Variants in PALD1 observed in about 807,000 individuals in gnomAD.
PALD1 encodes paladin.
PALD1 carries 57 observed loss-of-function variants against 96.0 expected under a neutral mutation model. The ratio of observed to expected loss-of-function variants is 0.59; its 90% confidence interval spans 0.48 to 0.74. The LOEUF is 0.74. Ranked by LOEUF, PALD1 falls within the 30% of genes least tolerant of loss-of-function variation. The pLI is 0.00. For missense variants in PALD1, 1,063 were observed against 1,143.7 expected (o/e 0.93, Z 1.02); for synonymous variants, 464 against 473.6 (o/e 0.98, Z 0.26).
chr10:70,466,753 G>A, the PALD1 span, among the ~76,000 whole-genome samples: 1 of 152,182 alleles, frequency 6.6e-6, no homozygotes, highest in African/African-American at 2.4e-5. Context: ...GTAAGAGAAC[G>A]TGAGAGAATG....
chr10:70,546,397 A>G (rs1421555858), intron 17 of PALD1, among the ~76,000 whole-genome samples: 1 of 152,188 alleles, frequency 6.6e-6, no homozygotes, highest in Non-Finnish European at 1.5e-5. Context: ...ATCTTAAATG[A>G]CTTATATTCC....
chr10:70,531,511 C>T, intron 5 of PALD1, 57 bp downstream of exon 5: 24 of 1,521,748 alleles, frequency 1.6e-5, no homozygotes, highest in Non-Finnish European at 2.1e-5. Context: ...TTTGCAGATG[C>T]TCTTTTTGGG....
the PALD1 span, among the ~76,000 whole-genome samples, chr10:70,460,162 T>C: frequency 0.45 from 68,320 of 152,110 alleles, 18,634 homozygotes; most frequent in Non-Finnish European, 0.62. Flanking sequence ...CAGTCCTCTT[T>C]GTCTTCTGAG....
intron 18 of PALD1, among the ~76,000 whole-genome samples, chr10:70,548,196 T>C (rs1847406804): frequency 6.6e-6 from 1 of 151,880 alleles, no homozygotes; most frequent in Non-Finnish European, 1.5e-5. Context: ...TCCCAGCTAC[T>C]CGGGAGGCTG....
rs544309805 is a variant in PALD1, at chr10:70,534,062, C to T, written c.1011C>T (p.Thr337=). The T allele has an allele frequency of 3.0e-5, 48 of 1,602,474 alleles. No homozygotes were observed. In the South Asian group the frequency reaches 5.0e-4, roughly 17 times the overall value. ...TLILLHRSGT[T]SQPEAAPTQA... is the part of the protein sequence containing the mutation. ...TCCTGCTTCACCGCAGTGGGACCAC[C>T]TCCCAGCCAGAGTGAGTGGCCCGGG... is the stretch of plus-strand genomic sequence containing the variant. The change falls in exon 8 of 20, where the codon ACC becomes ACT. Residue 337 remains threonine, a synonymous_variant. Transcript: ENST00000263563.
Position 70,537,849 on chromosome 10 carries a change from G to A in PALD1, c.1266G>A (p.Leu422=). The A allele has an allele frequency of 6.2e-7, 1 of 1,613,904 alleles. No homozygotes were observed. Among genetic ancestry groups the A allele is most frequent in the East Asian group, 2.2e-5 (1 of 44,878 alleles). ...GSRHSVWQRA[L]WSLERYFYLI... is the part of the protein sequence containing the mutation. The stretch of plus-strand genomic sequence containing the variant: ...GACACAGCGTCTGGCAGAGGGCGCT[G>A]TGGAGCCTGGAGCGATACTTCTACC... The change falls in exon 11 of 20, where the codon CTG becomes CTA. Residue 422 remains leucine, a synonymous_variant. Coordinates refer to ENST00000263563, the MANE Select transcript of PALD1 (RefSeq NM_014431.3).
chr10:70,500,514 T>G (rs1394895927), intron 1 of PALD1, among the ~76,000 whole-genome samples: 1 of 152,226 alleles, frequency 6.6e-6, no homozygotes, highest in Non-Finnish European at 1.5e-5. Context: ...CTCTCTATGC[T>G]GCTCCCTCTG....
chr10:70,468,812 C>T, the PALD1 span, among the ~76,000 whole-genome samples: 6 of 151,668 alleles, frequency 4.0e-5, no homozygotes, highest in African/African-American at 9.7e-5. Flanking sequence ...TCTTGGCTCA[C>T]GGCAACCTCC....
At chr10:70,494,522 C>T (rs758200637) in intron 1 of PALD1, among the ~76,000 whole-genome samples, 9 of 152,228 alleles carry the variant, frequency 5.9e-5, no homozygotes, top group Non-Finnish European at 1.3e-4. Context: ...CAGTTGCCAC[C>T]TCCTCTTCCC....
intron 18 of PALD1, among the ~76,000 whole-genome samples, chr10:70,557,011 A>G (rs1285484919): frequency 1.3e-5 from 2 of 152,240 alleles, no homozygotes. Context: ...AAATCATTGC[A>G]TAAATAAATA....
intron 1 of PALD1, among the ~76,000 whole-genome samples, chr10:70,521,673 A>G (rs1244826975): frequency 6.9e-6 from 1 of 145,798 alleles, no homozygotes; most frequent in East Asian, 2.1e-4. Context: ...CTGGGATTCC[A>G]GGAGCCCGCC....
intron 4 of PALD1, 40 bp from the exon 5 acceptor site, chr10:70,531,250 A>T (rs748385997): frequency 6.3e-7 from 1 of 1,583,676 alleles, no homozygotes; most frequent in African/African-American, 1.3e-5. Context: ...TCTGTGCGGG[A>T]TCATGATGAT....
chr10:70,542,933 G>T (rs1406689352), intron 17 of PALD1, among the ~76,000 whole-genome samples: 1 of 151,876 alleles, frequency 6.6e-6, no homozygotes, highest in African/African-American at 2.4e-5. Context: ...ACCAACACTT[G>T]ATTTCTTTTT....
At chr10:70,508,001 G>A (rs981629941) in intron 1 of PALD1, among the ~76,000 whole-genome samples, 1 of 152,216 alleles carries the variant, frequency 6.6e-6, no homozygotes, top group Non-Finnish European at 1.5e-5. Flanking sequence ...GCACGGAGGG[G>A]AGGATAAGGA....
Position 70,541,164 on chromosome 10 carries a change from C to T in PALD1, c.1971C>T (p.Phe657=), listed in dbSNP as rs747434561. 5.0e-5 allele frequency: 80 copies of T among 1,613,618 alleles called. No individual in the cohort carries two copies. The highest frequency in any genetic ancestry group is 6.8e-5 in the Non-Finnish European group (80 of 1,179,816). ...AALSKDPGTG[F]VFSCLSGQGR... Reference sequence around the variant, plus strand: ...TCTCCAAGGACCCAGGCACTGGCTTCGTGTTCAGCTGCCTCAGCGGCCAGG... The same window carrying T: ...TCTCCAAGGACCCAGGCACTGGCTTTGTGTTCAGCTGCCTCAGCGGCCAGG... Residue 657 remains phenylalanine (F), a synonymous_variant, in exon 16 of 20, where the codon TTC becomes TTT. Coordinates refer to ENST00000263563, the MANE Select transcript of PALD1 (RefSeq NM_014431.3).
At chr10:70,501,838 T>TGTGTGTGTGTGTGTGC (rs57837334) in intron 1 of PALD1, among the ~76,000 whole-genome samples, 2 of 150,444 alleles carry the variant, frequency 1.3e-5, no homozygotes, top group East Asian at 2.0e-4. Context: ...TGTGTGTGCG[T>TGTGTGTGTGTGTGTGC]GCGTGCATGC....
intron 5 of PALD1, among the ~76,000 whole-genome samples, chr10:70,531,749 C>T (rs968719421): frequency 6.6e-6 from 1 of 152,014 alleles, no homozygotes; most frequent in Non-Finnish European, 1.5e-5. Flanking sequence ...GTAATTCCAG[C>T]ACTTTGGGAG....
chr10:70,507,780 T>TGG (rs1222233984), intron 1 of PALD1, among the ~76,000 whole-genome samples: 2 of 138,816 alleles, frequency 1.4e-5, no homozygotes, highest in Admixed American at 7.6e-5. Flanking sequence ...TGTGTGTGTG[T>TGG]GTGTGTGTGT....
intron 4 of PALD1, among the ~76,000 whole-genome samples, chr10:70,530,606 G>C (rs1846972141): frequency 6.6e-6 from 1 of 152,164 alleles, no homozygotes; most frequent in Admixed American, 6.5e-5. Context: ...CGGATGTTGA[G>C]GCAGGGTTTT....
Sources: gnomAD v4.1 joint callset for allele counts (sites outside exome capture counted in the v4.1 genomes callset) on GRCh38, gnomAD v4.1.1 for gene constraint, MANE v1.5 for transcripts, NCBI Gene and HGNC (gene_info 2026-07-23, HGNC 2026-07-21) for gene names.